ANKRD30BL: variants seen among roughly 807,000 people sequenced by gnomAD.
ANKRD30BL encodes the protein ankyrin repeat domain 30B like, also known as putative ankyrin repeat domain-containing protein 30B-like.
ANKRD30BL carries 20 observed loss-of-function variants against 18.4 expected under a neutral mutation model. The observed-to-expected ratio is 1.09, with a 90% confidence interval of 0.77 to 1.58. The LOEUF is 1.58. ANKRD30BL is among the 40% of genes most tolerant of loss of function. The pLI is 0.00. For synonymous variants in ANKRD30BL, 72 were observed against 100.9 expected (o/e 0.71, Z 1.72); for missense variants, 224 against 268.6 (o/e 0.83, Z 1.16).
intron 1 of ANKRD30BL, among the ~76,000 whole-genome samples, chr2:132,207,967 G>A (rs1679241723): frequency 6.6e-6 from 1 of 152,096 alleles, no homozygotes; most frequent in Non-Finnish European, 1.5e-5. Context: ...GTATCCCAAT[G>A]TGAAATTGTT....
intron 1 of ANKRD30BL, among the ~76,000 whole-genome samples, chr2:132,241,026 G>A (rs921079354): frequency 6.6e-6 from 1 of 151,976 alleles, no homozygotes; most frequent in Non-Finnish European, 1.5e-5. Context: ...CTAGACAGAA[G>A]CATTCTCAGA....
At chr2:132,254,437 C>A (rs796353821) in intron 1 of ANKRD30BL, among the ~76,000 whole-genome samples, 2 of 152,228 alleles carry the variant, frequency 1.3e-5, no homozygotes, top group African/African-American at 4.8e-5. Context: ...CTCAGCGTTC[C>A]GCCAGGGCAG....
chr2:132,240,186 T>C (rs796110823), intron 1 of ANKRD30BL, among the ~76,000 whole-genome samples: 1 of 151,914 alleles, frequency 6.6e-6, no homozygotes, highest in African/African-American at 2.4e-5. Context: ...TCTCAGAAAC[T>C]ACTTTTTGAT....
intron 1 of ANKRD30BL, among the ~76,000 whole-genome samples, chr2:132,230,199 A>G (rs1459598184): frequency 6.6e-6 from 1 of 152,176 alleles, no homozygotes; most frequent in Non-Finnish European, 1.5e-5. Flanking sequence ...CAACTCACAG[A>G]GTTGAATATA....
intron 1 of ANKRD30BL, among the ~76,000 whole-genome samples, chr2:132,227,384 C>G (rs1272415494): frequency 6.6e-6 from 1 of 151,248 alleles, no homozygotes. Context: ...ATCTTCCCAT[C>G]TAAACTAGAG....
At chr2:132,198,255 CCTTCTTTCTTTCTTTTCTTTCTTT>C (rs1558928358) in intron 1 of ANKRD30BL, among the ~76,000 whole-genome samples, 21 of 138,186 alleles carry the variant, frequency 1.5e-4, no homozygotes, top group African/African-American at 6.2e-4. Context: ...ATTTACTATA[CCTTCTTTCTTTCTTTTCTTTCTTT>C]CTTTCTTTCT....
chr2:132,258,031 C>T (rs191218586), upstream of ANKRD30BL: 1 of 152,958 alleles, frequency 6.5e-6, no homozygotes, highest in South Asian at 2.1e-4. Flanking sequence ...GAGCACGGGA[C>T]CTGCGCTCGC....
At chr2:132,153,580 A>G (rs894662305) in intron 4 of ANKRD30BL, 6 of 625,162 alleles carry the variant, frequency 9.6e-6, no homozygotes, top group South Asian at 5.4e-5. Context: ...AAGCAACAGC[A>G]TAACGTTCTG....
intron 1 of ANKRD30BL, among the ~76,000 whole-genome samples, chr2:132,159,193 C>G (rs1171959128): frequency 6.6e-6 from 1 of 152,092 alleles, no homozygotes; most frequent in Non-Finnish European, 1.5e-5. Flanking sequence ...CACCAGAATA[C>G]ATTTTCAAAT....
chr2:132,213,493 C>T (rs201023234), intron 1 of ANKRD30BL, among the ~76,000 whole-genome samples: 27 of 152,294 alleles, frequency 1.8e-4, no homozygotes, highest in East Asian at 1.2e-3. Context: ...AACAACTAGG[C>T]GGAAGCATTC....
chr2:132,212,192 CA>C (rs763389775), intron 1 of ANKRD30BL, among the ~76,000 whole-genome samples: 2 of 151,338 alleles, frequency 1.3e-5, no homozygotes, highest in Non-Finnish European at 3.0e-5. Context: ...ATTCTTTTTG[CA>C]GAATCTGCAG....
upstream of ANKRD30BL, among the ~76,000 whole-genome samples, chr2:132,162,620 G>C (rs1188075024): frequency 2.0e-5 from 3 of 152,242 alleles, no homozygotes; most frequent in Non-Finnish European, 2.9e-5. Flanking sequence ...GGCGCGGACA[G>C]GTTCGGGGGT....
Position 132,161,801 on chromosome 2 carries a change from C to T in ANKRD30BL, c.-96G>A, listed in dbSNP as rs1397374649. 2 of 668,948 alleles carry T rather than the reference C, an allele frequency of 3.0e-6. No homozygotes were observed. The highest frequency in any genetic ancestry group is 2.6e-5 in the Admixed American group (1 of 38,944). 41.4% of individuals were successfully genotyped at this position (668,948 alleles called of 1,614,324 possible). A position where few individuals can be genotyped will look rare whatever the true frequency, so the allele number is the denominator to read the frequency against. The stretch of plus-strand genomic sequence containing the variant: ...CCTCGCCCTTCTTCAGTCCCTGCAT[C>T]CGCCCTGACAAGACTAGAAATCTCA... On this transcript the variant is annotated 5_prime_UTR_variant, in exon 1 of 6. Coordinates refer to ENST00000409867, the MANE Select transcript of ANKRD30BL (RefSeq NM_001358416.1).
chr2:132,181,289 C>A (rs1470149888), intron 1 of ANKRD30BL, among the ~76,000 whole-genome samples: 1 of 151,964 alleles, frequency 6.6e-6, no homozygotes, highest in Non-Finnish European at 1.5e-5. Context: ...GCCTGGGCAA[C>A]ATGGCGAAAC....
chr2:132,180,411 C>T (rs1329264040), intron 1 of ANKRD30BL, among the ~76,000 whole-genome samples: 5 of 152,206 alleles, frequency 3.3e-5, no homozygotes, highest in Non-Finnish European at 1.5e-5. Context: ...TGTGTAAGTA[C>T]ACTCTATTTG....
rs557419230 is a variant in ANKRD30BL at position 132,220,634 on chromosome 2, G to A, written n.441+36895C>T. Among the ~76,000 whole-genome samples the A allele has an allele frequency of 1.7e-3, 258 of 152,210 alleles. 1 individual carries two copies. Among genetic ancestry groups the A allele is most frequent in the African/African-American group, 5.8e-3 (240 of 41,544 alleles). On this transcript the variant is annotated intron_variant and non_coding_transcript_variant, in intron 1 of 4. Coordinates refer to the ANKRD30BL transcript ENST00000470729. Reference sequence around the variant, plus strand: ...GCCAGCCTCGGCCTCCCGAGGTGCCGGGATTGCAGACGGAGTCTCGTTCAC... The same window carrying A: ...GCCAGCCTCGGCCTCCCGAGGTGCCAGGATTGCAGACGGAGTCTCGTTCAC...
chr2:132,199,216 T>G (rs1679041452), intron 1 of ANKRD30BL, among the ~76,000 whole-genome samples: 1 of 151,984 alleles, frequency 6.6e-6, no homozygotes, highest in Non-Finnish European at 1.5e-5. Flanking sequence ...AAAAATTAGC[T>G]TGGCTTGGTG....
intron 1 of ANKRD30BL, among the ~76,000 whole-genome samples, chr2:132,253,949 C>T (rs773291594): frequency 6.6e-6 from 1 of 151,964 alleles, no homozygotes; most frequent in African/African-American, 2.4e-5. Context: ...ACCTGGCCAG[C>T]CCCAAAGGGA....
intron 1 of ANKRD30BL, among the ~76,000 whole-genome samples, chr2:132,203,158 G>C (rs577073981): frequency 0.041 from 6,252 of 151,818 alleles, 1 homozygote; most frequent in African/African-American, 0.14. Flanking sequence ...ATATGTTCTA[G>C]ACCAAGGGGT....
Sources: gnomAD v4.1 joint callset for allele counts (sites outside exome capture counted in the v4.1 genomes callset) on GRCh38, gnomAD v4.1.1 for gene constraint, MANE v1.5 for transcripts, NCBI Gene and HGNC (gene_info 2026-07-23, HGNC 2026-07-21) for gene names.